FEM1C: variants seen among roughly 807,000 people sequenced by gnomAD.
The protein encoded by FEM1C is protein fem-1 homolog C.
FEM1C carries 15 observed loss-of-function variants against 37.6 expected under a neutral mutation model. That is an observed-to-expected ratio of 0.40 (90% CI 0.27 to 0.61). The LOEUF (loss-of-function observed/expected upper bound fraction) is 0.61, where lower values mean the gene tolerates loss of function less well. Among genes scored for constraint, FEM1C ranks in the 20% least tolerant of loss-of-function variants. The probability of loss-of-function intolerance (pLI) is 0.42; values close to 1 mark genes in which losing one functional copy is unlikely to be tolerated. For missense variants in FEM1C, 532 were observed against 749.7 expected, an observed-to-expected ratio of 0.71 and a Z score of 3.39; for synonymous variants, 287 against 272.8, an observed-to-expected ratio of 1.05 and a Z score of -0.51.
chr5:115,524,229 G>A lies in FEM1C; in HGVS notation c.*79C>T. 2.7e-6 allele frequency: 3 copies of A among 1,110,114 alleles called. No homozygotes were observed. The highest frequency in any genetic ancestry group is 2.7e-6 in the Non-Finnish European group (2 of 746,524). 68.8% of individuals were successfully genotyped at this position (1,110,114 alleles called of 1,614,324 possible). On this transcript the variant is annotated 3_prime_UTR_variant, in exon 3 of 3. Coordinates refer to ENST00000274457, the MANE Select transcript of FEM1C (RefSeq NM_020177.3). ...TATCAATCAAGCTAAATGAATGCTG[G>A]TGTTATCACAACAGTGCTCATTTAT...
At chr5:115,528,617 A>G (rs1479196098) in intron 2 of FEM1C, among the ~76,000 whole-genome samples, 3 of 152,194 alleles carry the variant, frequency 2.0e-5, no homozygotes, top group African/African-American at 7.2e-5. Context: ...CCAGAAGCAA[A>G]TATAAATACT....
Position 115,543,390 on chromosome 5 carries a change from A to G in FEM1C, c.104T>C (p.Ile35Thr). Residue 35 changes from isoleucine (I) to threonine (T), a missense_variant, in exon 2 of 3, where the codon ATC becomes ACC. Physicochemically the swap from Ile to Thr is moderately conservative, Grantham distance 89. Around this residue, in one of 3 missense-constraint regions of FEM1C, gnomAD observed 74 missense variants for 85.0 expected, o/e 0.87. Transcript: ENST00000274457. ...CGTGGCCCCATTTGTTTTTTCAGAG[A>G]TCAAGGAGGAAACCTCCTCTTTGGA... ...SKSKEEVSSLISEKTNGATPL... is the reference protein window; with the variant it reads ...SKSKEEVSSLTSEKTNGATPL... The G allele has an allele frequency of 6.2e-7, 1 of 1,614,184 alleles. No homozygotes were observed. The highest frequency in any genetic ancestry group is 2.2e-5 in the East Asian group (1 of 44,896).
chr5:115,535,553 A>C (rs994660361), intron 2 of FEM1C, among the ~76,000 whole-genome samples: 7 of 151,974 alleles, frequency 4.6e-5, no homozygotes, highest in Admixed American at 3.9e-4. Context: ...ATGAGATATC[A>C]CTACACACTT....
In FEM1C at chr5:115,522,397, CA is replaced by C. The variant is rs1753794523; in HGVS notation, c.*1910del. On this transcript the variant is annotated 3_prime_UTR_variant, in exon 3 of 3. Transcript: ENST00000274457. Reference sequence around the variant, plus strand: ...GTTCAAATATTTCATCAAATTTTCCCACAGTGAGAGATAGTAAAACCTCTTC... The same window carrying C: ...GTTCAAATATTTCATCAAATTTTCCCCAGTGAGAGATAGTAAAACCTCTTC... 6.6e-6 allele frequency: 1 copy of C among 151,770 alleles called. No individual in the cohort carries two copies. Among genetic ancestry groups the C allele is most frequent in the Non-Finnish European group, 1.5e-5 (1 of 67,826 alleles). 9.4% of individuals were successfully genotyped at this position (151,770 alleles called of 1,614,324 possible).
chr5:115,535,634 CTCT>C (rs1561559456), intron 2 of FEM1C, among the ~76,000 whole-genome samples: 1 of 151,918 alleles, frequency 6.6e-6, no homozygotes. Context: ...GAAACTGGAA[CTCT>C]TCTTACATTG....
intron 2 of FEM1C, among the ~76,000 whole-genome samples, chr5:115,540,188 G>A (rs924533106): frequency 1.3e-5 from 2 of 152,048 alleles, no homozygotes; most frequent in African/African-American, 4.8e-5. Context: ...ATTGGTTCCT[G>A]CTTTTGTTAC....
chr5:115,540,071 T>C (rs890858428), intron 2 of FEM1C, among the ~76,000 whole-genome samples: 1 of 152,124 alleles, frequency 6.6e-6, no homozygotes. Flanking sequence ...AATTTAACTC[T>C]AGTCTTATTA....
chr5:115,525,545 G>A lies in FEM1C; in HGVS notation c.617C>T (p.Ala206Val). ...TCCATAACCATCCTTTTCCATCTTG[G>A]CACAATACATAAGAAGCATCTTCAT... The part of the protein sequence containing the change: ...DIMKMLLMYC[A>V]KMEKDGYGMT... Residue 206 changes from alanine (A) to valine (V), a missense_variant, in exon 3 of 3, where the codon GCC (alanine) becomes GTC (valine). By Grantham distance (64) the Ala-to-Val change is moderately conservative (BLOSUM62 0). This residue lies in a region of FEM1C where 221 missense variants were observed against 404.1 expected (regional missense o/e 0.55). Transcript: ENST00000274457. The A allele has an allele frequency of 6.2e-7, 1 of 1,613,406 alleles. No homozygotes were observed. Among genetic ancestry groups the A allele is most frequent in the Non-Finnish European group, 8.5e-7 (1 of 1,179,738 alleles).
In FEM1C at chr5:115,525,241, C is replaced by T; in HGVS notation, c.921G>A (p.Glu307=). The change falls in exon 3 of 3, where the codon GAG becomes GAA. Residue 307 remains glutamate (E), a synonymous_variant. Transcript: ENST00000274457. ...CAGGATCAGCAATAAGACCTTCTAG[C>T]TCTTCTGCACTGTTCACTTCCTTGG... ...DYAKEVNSAE[E]LEGLIADPDE... 6.2e-7 allele frequency: 1 copy of T among 1,613,452 alleles called. No homozygotes were observed. The highest frequency in any genetic ancestry group is 1.1e-5 in the South Asian group (1 of 91,048).
rs1183664803 is a variant in FEM1C at position 115,520,930 on chromosome 5, T to A, written c.*3378A>T. ...AAATTTGGTGCAAATTTAATTTTAT[T>A]AAACCTTACAATGAATGTTGTGGCA... is the stretch of plus-strand genomic sequence containing the variant. On this transcript the variant is annotated 3_prime_UTR_variant, in exon 3 of 3. Transcript: ENST00000274457. 6.6e-6 allele frequency: 1 copy of A among 152,104 alleles called. No homozygotes were observed. The highest frequency in any genetic ancestry group is 1.5e-5 in the Non-Finnish European group (1 of 67,710). The allele number at this position is 152,104 out of a possible 1,614,324, so 9.4% of individuals were successfully genotyped here.
chr5:115,525,589 T>C lies in FEM1C; in HGVS notation c.573A>G (p.Glu191=). ...KGNTALHDCA[E]SGSLDIMKML... is the part of the protein sequence containing the mutation. ...TCTTCATGATGTCCAAACTTCCAGA[T>C]TCTGCACAATCATGCAATGCAGTAT... Residue 191 remains glutamate (E), a synonymous_variant, in exon 3 of 3, where the codon GAA becomes GAG. Transcript: ENST00000274457. The C allele has an allele frequency of 6.2e-7, 1 of 1,613,334 alleles. No homozygotes were observed. Among genetic ancestry groups the C allele is most frequent in the Non-Finnish European group, 8.5e-7 (1 of 1,179,632 alleles).
intron 2 of FEM1C, among the ~76,000 whole-genome samples, chr5:115,532,901 G>C (rs1376819267): frequency 6.6e-6 from 1 of 152,006 alleles, no homozygotes; most frequent in African/African-American, 2.4e-5. Flanking sequence ...GATTGGCAAG[G>C]GCTGGGGGCT....
chr5:115,532,974 G>A (rs963749757), intron 2 of FEM1C, among the ~76,000 whole-genome samples: 2 of 151,980 alleles, frequency 1.3e-5, no homozygotes, highest in South Asian at 2.1e-4. Flanking sequence ...TAATAAATGC[G>A]TAGTATATGT....
chr5:115,535,645 T>C (rs73253009), intron 2 of FEM1C, among the ~76,000 whole-genome samples: 2 of 151,928 alleles, frequency 1.3e-5, no homozygotes, highest in African/African-American at 4.8e-5. Context: ...TCTTCTTACA[T>C]TGCTGACAGG....
intron 2 of FEM1C, among the ~76,000 whole-genome samples, chr5:115,529,852 C>A (rs1017828905): frequency 5.3e-5 from 8 of 151,644 alleles, no homozygotes; most frequent in African/African-American, 1.9e-4. Flanking sequence ...AGAGGGTATG[C>A]ACATAACTAC....
intron 2 of FEM1C, among the ~76,000 whole-genome samples, chr5:115,541,650 C>T (rs1754243679): frequency 6.6e-6 from 1 of 152,012 alleles, no homozygotes; most frequent in African/African-American, 2.4e-5. Context: ...CTGGATGTGA[C>T]CTAAATATCA....
intron 2 of FEM1C, among the ~76,000 whole-genome samples, chr5:115,529,745 T>G (rs166281): frequency 0.026 from 3,982 of 152,146 alleles, 81 homozygotes; most frequent in Middle Eastern, 0.044. Context: ...TGTTAACGTG[T>G]TCTAAGATCT....
intron 1 of FEM1C, 136 bp from the exon 2 acceptor site, chr5:115,543,819 C>T (rs913795487): frequency 3.8e-6 from 4 of 1,044,790 alleles, no homozygotes; most frequent in African/African-American, 1.8e-5. Flanking sequence ...ACACCCCCCC[C>T]ACCCCCAAAG....
Position 115,543,589 on chromosome 5 carries a change from C to A in FEM1C, c.-96G>T. On this transcript the variant is annotated 5_prime_UTR_variant, in exon 2 of 3. Transcript: ENST00000274457. ...AGGCAAGAGTCACAGGAACCAAAGT[C>A]CAATGTTAATTGCTGCACCCCAGAA... is the stretch of plus-strand genomic sequence containing the variant. The A allele has an allele frequency of 6.7e-7, 1 of 1,497,094 alleles. No homozygotes were observed. Among genetic ancestry groups the A allele is most frequent in the South Asian group, 1.4e-5 (1 of 73,480 alleles). The allele number at this position is 1,497,094 out of a possible 1,614,324, so 92.7% of individuals were successfully genotyped here. A position where few individuals can be genotyped will look rare whatever the true frequency, so the allele number is the denominator to read the frequency against.
Sources: gnomAD v4.1 joint callset for allele counts (sites outside exome capture counted in the v4.1 genomes callset) on GRCh38, gnomAD v4.1.1 for gene constraint, gnomAD v4.1.1 regional missense constraint, MANE v1.5 for transcripts, NCBI Gene and HGNC (gene_info 2026-07-23, HGNC 2026-07-21) for gene names.